Variants in ZNF66 observed in about 807,000 individuals in gnomAD.
ZNF66 encodes putative zinc finger protein 66.
ZNF66 carries 32 observed loss-of-function variants against 35.2 expected under a neutral mutation model. The observed-to-expected ratio is 0.91, with a 90% CI of 0.69 to 1.22. The LOEUF (loss-of-function observed/expected upper bound fraction) is 1.22, where lower values mean the gene tolerates loss of function less well. Ranked by LOEUF, ZNF66 falls within the 50% of genes most tolerant of loss-of-function variation. The probability of loss-of-function intolerance (pLI) is 0.00; values close to 1 mark genes in which losing one functional copy is unlikely to be tolerated. For missense variants in ZNF66, 666 were observed against 543.1 expected, an observed-to-expected ratio of 1.23 and a Z score of -2.25; for synonymous variants, 231 against 181.3, an observed-to-expected ratio of 1.27 and a Z score of -2.20.
chr19:20,782,473 T>G (rs1413753567), intron 1 of ZNF66, among the ~76,000 whole-genome samples: 1 of 152,230 alleles, frequency 6.6e-6, no homozygotes, highest in Non-Finnish European at 1.5e-5. Flanking sequence ...ATTGTTAAAC[T>G]AATTTACACT....
intron 2 of ZNF66, among the ~76,000 whole-genome samples, chr19:20,793,434 T>G (rs1971361122): frequency 6.7e-6 from 1 of 149,150 alleles, no homozygotes; most frequent in Non-Finnish European, 1.5e-5. Flanking sequence ...AAGTTTCTCC[T>G]GCCTCAGCCT....
Position 20,797,498 on chromosome 19 carries a change from GC to G in ZNF66, c.226+3623del, listed in dbSNP as rs1359645291. On this transcript the variant is annotated intron_variant, in intron 3 of 3. Transcript: ENST00000344519. ...TGGGATTACAGGCGTGAGCCACCGC[GC>G]CCGGCCGATTTTATGAGTAAACATT... Among the ~76,000 whole-genome samples the G allele has an allele frequency of 2.0e-5, 3 of 150,304 alleles. 1 individual carries two copies. The highest frequency in any genetic ancestry group is 7.3e-5 in the African/African-American group (3 of 40,910).
chr19:20,808,615 A>G lies in ZNF66; in HGVS notation c.*1293A>G, dbSNP rs1237872311. On this transcript the variant is annotated 3_prime_UTR_variant, in exon 4 of 4. Coordinates refer to ENST00000344519, the MANE Select transcript of ZNF66 (RefSeq NM_001355197.2). ...TGGAGTGGACCTCTAGCAAACTCCAACAGACCTGCAGCTGAGGGTCCTGTC... is the reference window on the plus strand; with the variant it reads ...TGGAGTGGACCTCTAGCAAACTCCAGCAGACCTGCAGCTGAGGGTCCTGTC... 1.3e-5 allele frequency among the ~76,000 whole-genome samples: 2 copies of G among 152,204 alleles called. No homozygotes were observed. Among genetic ancestry groups the G allele is most frequent in the South Asian group, 2.1e-4 (1 of 4,830 alleles).
chr19:20,779,448 G>A (rs1378973376), intron 1 of ZNF66, among the ~76,000 whole-genome samples: 1 of 152,128 alleles, frequency 6.6e-6, no homozygotes, highest in Non-Finnish European at 1.5e-5. Flanking sequence ...TGTAAAATGG[G>A]GTTGTATGTT....
chr19:20,780,251 GT>G (rs1351459283), intron 1 of ZNF66, among the ~76,000 whole-genome samples: 2 of 152,126 alleles, frequency 1.3e-5, no homozygotes, highest in Non-Finnish European at 2.9e-5. Flanking sequence ...TGCATAAATT[GT>G]TCCTGGAGCA....
chr19:20,788,991 T>C (rs576446651), intron 1 of ZNF66, among the ~76,000 whole-genome samples: 10 of 151,764 alleles, frequency 6.6e-5, no homozygotes, highest in African/African-American at 2.4e-4. Context: ...GCAGAGCTTG[T>C]AGTGAGCTGA....
At chr19:20,787,874 T>G (rs1297971975) in intron 1 of ZNF66, among the ~76,000 whole-genome samples, 2 of 152,234 alleles carry the variant, frequency 1.3e-5, no homozygotes, top group Non-Finnish European at 2.9e-5. Context: ...AGTTCCATTT[T>G]CTATTTAGAA....
At chr19:20,793,503 A>G (rs149716642) in intron 2 of ZNF66, among the ~76,000 whole-genome samples, 6,201 of 151,308 alleles carry the variant, frequency 0.041, 186 homozygotes, top group Non-Finnish European at 0.067. Flanking sequence ...TTGTATTTTC[A>G]GTAGAGATGG....
Position 20,809,298 on chromosome 19 carries a change from G to C in ZNF66, c.*1976G>C, listed in dbSNP as rs1971563020. On this transcript the variant is annotated 3_prime_UTR_variant, in exon 4 of 4. Transcript: ENST00000344519. ...AGAACTTCCCCAATCTAGCAAGGCA[G>C]GCCAACATTCAGATTCAGGAAATAC... Among the ~76,000 whole-genome samples, 1 of 152,030 alleles carries C rather than the reference G, an allele frequency of 6.6e-6. No homozygotes were observed. Among genetic ancestry groups the C allele is most frequent in the Non-Finnish European group, 1.5e-5 (1 of 68,004 alleles).
At chr19:20,791,356 G>C (rs1971335009) in intron 1 of ZNF66, among the ~76,000 whole-genome samples, 1 of 151,990 alleles carries the variant, frequency 6.6e-6, no homozygotes, top group South Asian at 2.1e-4. Context: ...GTGATGGCAG[G>C]CACCTGTAAT....
chr19:20,793,734 A>G (rs747848089), intron 2 of ZNF66, 49 bp from the exon 3 acceptor site: 11 of 679,870 alleles, frequency 1.6e-5, no homozygotes, highest in Non-Finnish European at 2.6e-5. Context: ...ACTAGCTTGT[A>G]ATTGGAGAAT....
chr19:20,780,624 G>T (rs1971237126), intron 1 of ZNF66, among the ~76,000 whole-genome samples: 1 of 152,138 alleles, frequency 6.6e-6, no homozygotes, highest in Non-Finnish European at 1.5e-5. Context: ...TCAAATGTTA[G>T]ACAATAAGTT....
chr19:20,779,611 CT>C (rs1202379664), intron 1 of ZNF66, among the ~76,000 whole-genome samples: 2 of 151,966 alleles, frequency 1.3e-5, no homozygotes, highest in Non-Finnish European at 2.9e-5. Flanking sequence ...GTCGGATCAC[CT>C]GAGGACAGGT....
chr19:20,802,232 T>C (rs1381955820), intron 3 of ZNF66, among the ~76,000 whole-genome samples: 1 of 152,164 alleles, frequency 6.6e-6, no homozygotes, highest in Admixed American at 6.5e-5. Flanking sequence ...TACTTTTGGA[T>C]TTGCTGTTTT....
intron 3 of ZNF66, among the ~76,000 whole-genome samples, chr19:20,795,160 C>T (rs1330166060): frequency 6.6e-6 from 1 of 151,812 alleles, no homozygotes; most frequent in Non-Finnish European, 1.5e-5. Context: ...CAGCCATGAG[C>T]CACCATGCCT....
chr19:20,807,160 C>T lies in ZNF66; in HGVS notation c.1560C>T (p.Tyr520=), dbSNP rs769626019. The T allele has an allele frequency of 1.6e-6, 1 of 630,120 alleles. No homozygotes were observed. The highest frequency in any genetic ancestry group is 2.5e-5 in the East Asian group (1 of 39,564). 39.0% of individuals were successfully genotyped at this position (630,120 alleles called of 1,614,324 possible). The change falls in exon 4 of 4, where the codon TAC becomes TAT. Residue 520 remains tyrosine (Y), a synonymous_variant. Coordinates refer to ENST00000344519, the MANE Select transcript of ZNF66 (RefSeq NM_001355197.2). The part of the protein sequence containing the change: ...KCEECGKDFK[Y]SSTLTRHKKI... ...AAGAATGTGGCAAAGACTTTAAGTA[C>T]TCCTCTACCCTTACTAGACATAAGA...
intron 1 of ZNF66, among the ~76,000 whole-genome samples, chr19:20,786,971 G>T (rs1971292481): frequency 6.6e-6 from 1 of 152,112 alleles, no homozygotes; most frequent in African/African-American, 2.4e-5. Flanking sequence ...ATGTTGGTCA[G>T]GCTGGTCTTG....
At position 20,805,068 on chromosome 19, in the gene ZNF66, C is replaced by T. The variant is rs967815958; in HGVS notation, c.227-759C>T. Among the ~76,000 whole-genome samples the T allele has an allele frequency of 7.9e-5, 12 of 151,402 alleles. No homozygotes were observed. The South Asian group carries it at 2.5e-3, about 31-fold the overall frequency. On this transcript the variant is annotated intron_variant, in intron 3 of 3. Transcript: ENST00000344519. ...TTAAGATGTATGTGCCAATATTTTTCCTGCTTTTTAAAAGAAACCAGGATT... is the reference window on the plus strand; with the variant it reads ...TTAAGATGTATGTGCCAATATTTTTTCTGCTTTTTAAAAGAAACCAGGATT...
rs138481315 is a variant in ZNF66 at position 20,785,573 on chromosome 19, A to G, written c.4-6939A>G. On this transcript the variant is annotated intron_variant, in intron 1 of 3. Coordinates refer to ENST00000344519, the MANE Select transcript of ZNF66 (RefSeq NM_001355197.2). ...TATAAATTCTTCTACTTGTGGACTAATTATGGTGACCATCTTTCCATCTTT... is the reference window on the plus strand; with the variant it reads ...TATAAATTCTTCTACTTGTGGACTAGTTATGGTGACCATCTTTCCATCTTT... Among the ~76,000 whole-genome samples the G allele has an allele frequency of 6.6e-3, 1,001 of 152,280 alleles. 10 individuals carry two copies. Among genetic ancestry groups the G allele is most frequent in the African/African-American group, 0.018 (760 of 41,552 alleles).
Sources: gnomAD v4.1 joint callset for allele counts (sites outside exome capture counted in the v4.1 genomes callset) on GRCh38, gnomAD v4.1.1 for gene constraint, MANE v1.5 for transcripts, NCBI Gene and HGNC (gene_info 2026-07-23, HGNC 2026-07-21) for gene names.